The following KIF26B variants were observed in gnomAD, a reference collection of about 807,000 sequenced individuals.
KIF26B encodes kinesin family member 26B, also known as kinesin-like protein KIF26B.
In KIF26B, 63 loss-of-function variants were observed where a neutral mutation model predicts 151.2. The observed-to-expected ratio is 0.42, with a 90% CI of 0.34 to 0.51. KIF26B has a LOEUF of 0.51. Among genes scored for constraint, KIF26B ranks in the 20% least tolerant of loss-of-function variants. KIF26B has a pLI of 0.07. For missense variants in KIF26B, 2,813 were observed against 2,913.6 expected, an observed-to-expected ratio of 0.97 and a Z score of 0.79; for synonymous variants, 1,357 against 1,262.1, an observed-to-expected ratio of 1.08 and a Z score of -1.59.
At chr1:245,680,873 C>T (rs1317046140) in intron 10 of KIF26B, among the ~76,000 whole-genome samples, 1 of 152,216 alleles carries the variant, frequency 6.6e-6, no homozygotes, top group Non-Finnish European at 1.5e-5. Context: ...ACGTTTGGCT[C>T]TCATATCGTG....
chr1:245,491,065 C>G (rs1319681889), intron 4 of KIF26B, among the ~76,000 whole-genome samples: 1 of 152,058 alleles, frequency 6.6e-6, no homozygotes, highest in African/African-American at 2.4e-5. Context: ...AGAATTTTTT[C>G]CTGTTTGATT....
intron 2 of KIF26B, among the ~76,000 whole-genome samples, chr1:245,210,110 C>T (rs1669485709): frequency 6.6e-6 from 1 of 152,234 alleles, no homozygotes; most frequent in Non-Finnish European, 1.5e-5. Context: ...CAGATACAGG[C>T]TCCACCCCTC....
chr1:245,328,582 C>T (rs923832798), intron 2 of KIF26B, among the ~76,000 whole-genome samples: 1 of 152,182 alleles, frequency 6.6e-6, no homozygotes, highest in Admixed American at 6.5e-5. Context: ...GTGGCCAGTG[C>T]ACCATGACCA....
intron 2 of KIF26B, among the ~76,000 whole-genome samples, chr1:245,198,792 A>G (rs1478139029): frequency 2.6e-5 from 4 of 151,468 alleles, no homozygotes; most frequent in Non-Finnish European, 4.4e-5. Context: ...GTGGGCAGAC[A>G]TTTAACAAAT....
At chr1:245,385,419 A>G (rs1398318537) in intron 3 of KIF26B, among the ~76,000 whole-genome samples, 1 of 152,248 alleles carries the variant, frequency 6.6e-6, no homozygotes, top group Non-Finnish European at 1.5e-5. Context: ...CTGTATGGAC[A>G]TCATCTACTG....
chr1:245,501,280 C>G (rs1266365138), intron 4 of KIF26B, among the ~76,000 whole-genome samples: 1 of 152,142 alleles, frequency 6.6e-6, no homozygotes, highest in African/African-American at 2.4e-5. Flanking sequence ...TTTCAATGTC[C>G]TTATCTGTAG....
intron 2 of KIF26B, among the ~76,000 whole-genome samples, chr1:245,201,028 AAGG>A (rs1171597224): frequency 6.6e-6 from 1 of 152,206 alleles, no homozygotes; most frequent in African/African-American, 2.4e-5. Flanking sequence ...CAACCCTAAA[AAGG>A]AGACAGGATT....
Position 245,679,705 on chromosome 1 carries a change from G to C in KIF26B, c.2259-4528G>C, listed in dbSNP as rs554489397. 2.4e-4 allele frequency among the ~76,000 whole-genome samples: 37 copies of C among 152,254 alleles called. No individual in the cohort carries two copies. The East Asian group carries it at 4.4e-3, about 18-fold the overall frequency. On this transcript the variant is annotated intron_variant, in intron 10 of 14. Coordinates refer to ENST00000407071, the MANE Select transcript of KIF26B (RefSeq NM_018012.4). Reference sequence around the variant, plus strand: ...GCTGGTCTCAAACTCCCGATCTCAGGTGATCTGCCCGCCTCAGCCTCTCAA... The same window carrying C: ...GCTGGTCTCAAACTCCCGATCTCAGCTGATCTGCCCGCCTCAGCCTCTCAA...
chr1:245,391,960 C>G (rs1052517928), intron 3 of KIF26B, among the ~76,000 whole-genome samples: 1 of 151,328 alleles, frequency 6.6e-6, no homozygotes, highest in African/African-American at 2.4e-5. Flanking sequence ...TGGAATGATT[C>G]TTATAACTCC....
At chr1:245,347,781 G>A (rs901243797) in intron 2 of KIF26B, among the ~76,000 whole-genome samples, 1 of 152,204 alleles carries the variant, frequency 6.6e-6, no homozygotes, top group Non-Finnish European at 1.5e-5. Flanking sequence ...TGATAATCAA[G>A]ACTAAATAAC....
chr1:245,417,820 T>A (rs930147547), intron 3 of KIF26B, among the ~76,000 whole-genome samples: 2 of 152,254 alleles, frequency 1.3e-5, no homozygotes, highest in Non-Finnish European at 2.9e-5. Flanking sequence ...GGCTGCTCTC[T>A]GGCTTTGCAG....
In KIF26B at chr1:245,181,250, C is replaced by A. The variant is rs137891143; in HGVS notation, c.465+24567C>A. Among the ~76,000 whole-genome samples, 334 of 152,182 alleles carry A rather than the reference C, an allele frequency of 2.2e-3. 2 individuals are homozygous for A. The highest frequency in any genetic ancestry group is 7.3e-3 in the African/African-American group (304 of 41,498). Reference sequence around the variant, plus strand: ...CTAGTAGTTTCCAGCTAATGGATCACCTGGATAAGATTGCCCCTGTCTTTG... The same window carrying A: ...CTAGTAGTTTCCAGCTAATGGATCAACTGGATAAGATTGCCCCTGTCTTTG... On this transcript the variant is annotated intron_variant, in intron 2 of 14. Coordinates refer to ENST00000407071, the MANE Select transcript of KIF26B (RefSeq NM_018012.4).
intron 10 of KIF26B, among the ~76,000 whole-genome samples, chr1:245,663,707 C>T (rs1488947710): frequency 1.3e-5 from 2 of 152,132 alleles, no homozygotes; most frequent in Non-Finnish European, 1.5e-5. Context: ...TTTTGACCAC[C>T]CAGATATGGA....
chr1:245,337,190 T>G (rs1672251999), intron 2 of KIF26B, among the ~76,000 whole-genome samples: 1 of 151,260 alleles, frequency 6.6e-6, no homozygotes, highest in African/African-American at 2.4e-5. Flanking sequence ...TTATTTATTT[T>G]TGAGAAAGTC....
chr1:245,288,230 C>A (rs2102971808), intron 2 of KIF26B, among the ~76,000 whole-genome samples: 1 of 152,242 alleles, frequency 6.6e-6, no homozygotes, highest in East Asian at 1.9e-4. Flanking sequence ...ATTTTCACAG[C>A]AACTAAACAT....
chr1:245,336,307 C>T (rs967755540), intron 2 of KIF26B, among the ~76,000 whole-genome samples: 19 of 152,340 alleles, frequency 1.2e-4, no homozygotes, highest in Non-Finnish European at 2.2e-4. Flanking sequence ...GACAGGAGTG[C>T]GTAGAGTGAG....
chr1:245,687,401 A>G lies in KIF26B; in HGVS notation c.4418A>G (p.Glu1473Gly). The change falls in exon 12 of 15, where the codon GAG becomes GGG. Residue 1473 changes from glutamate to glycine, a missense_variant. Glu to Gly is a moderately conservative substitution (Grantham distance 98). Around this residue, in one of 3 missense-constraint regions of KIF26B, gnomAD observed 2,060 missense variants for 2,088.6 expected, o/e 0.99. Transcript: ENST00000407071. This position sits in a 1 kb window ranked among gnomAD's most constrained non-coding sequence, Gnocchi z 4.9. Reference sequence around the variant, plus strand: ...ACTGCCACGGGCCCCTCGAATGCTGAGACCAGAGCAGAGCAGGAGCAGGAC... The same window carrying G: ...ACTGCCACGGGCCCCTCGAATGCTGGGACCAGAGCAGAGCAGGAGCAGGAC... ...CETATGPSNA[E>G]TRAEQEQDGK... 1 of 1,588,716 alleles carries G rather than the reference A, an allele frequency of 6.3e-7. No homozygotes were observed.
intron 2 of KIF26B, among the ~76,000 whole-genome samples, chr1:245,345,345 A>G (rs1002212481): frequency 6.6e-6 from 1 of 152,182 alleles, no homozygotes; most frequent in African/African-American, 2.4e-5. Context: ...TGTCTGGGAA[A>G]CATCAGATCT....
chr1:245,553,211 CCGGA>C lies in KIF26B; in HGVS notation c.1350+12262_1350+12265del, dbSNP rs1661935860. Among the ~76,000 whole-genome samples the C allele has an allele frequency of 3.9e-5, 6 of 152,308 alleles. No homozygotes were observed. In the South Asian group the frequency reaches 1.2e-3, roughly 32 times the overall value. On this transcript the variant is annotated intron_variant, in intron 5 of 14. Coordinates refer to ENST00000407071, the MANE Select transcript of KIF26B (RefSeq NM_018012.4). Reference sequence around the variant, plus strand: ...CTCTTTTACACTGGAGGAAGCTGGACCGGATCTAAGGAATCTGCCCAGCATCACA... The same window carrying C: ...CTCTTTTACACTGGAGGAAGCTGGACTCTAAGGAATCTGCCCAGCATCACA...
Sources: gnomAD v4.1 joint callset for allele counts (sites outside exome capture counted in the v4.1 genomes callset) on GRCh38, gnomAD v4.1.1 for gene constraint, gnomAD v4.1.1 regional missense constraint, Gnocchi (gnomAD v3.1) non-coding constraint, MANE v1.5 for transcripts, NCBI Gene and HGNC (gene_info 2026-07-23, HGNC 2026-07-21) for gene names.